Variants in ICAM1 observed in about 807,000 individuals in gnomAD.
ICAM1 encodes intercellular adhesion molecule 1.
Under a neutral mutation model 42.3 loss-of-function variants are expected in ICAM1, and 28 were observed. The ratio of observed to expected loss-of-function variants is 0.66; its 90% confidence interval spans 0.49 to 0.91. The LOEUF is 0.91. Among genes scored for constraint, ICAM1 ranks in the 40% least tolerant of loss-of-function variants. The probability of loss-of-function intolerance (pLI) is 0.00; values close to 1 mark genes in which losing one functional copy is unlikely to be tolerated. For synonymous variants in ICAM1, 304 were observed against 305.9 expected, an observed-to-expected ratio of 0.99 and a Z score of 0.07; for missense variants, 637 against 688.6, an observed-to-expected ratio of 0.93 and a Z score of 0.84.
rs2145500420 is a variant in ICAM1, at chr19:10,284,382, C to T, written c.926-21C>T. On this transcript the variant is annotated intron_variant, in intron 4 of 6. Transcript: ENST00000264832. This position sits in a 1 kb window ranked among gnomAD's most constrained non-coding sequence, Gnocchi z 5.4. ...GGTGTGACCTGAACCCGGGGCGGGG[C>T]TCACTGTGTGCCTATTCCAGGCTTT... The T allele has an allele frequency of 1.2e-6, 2 of 1,612,158 alleles. No individual in the cohort carries two copies. Among genetic ancestry groups the T allele is most frequent in the East Asian group, 4.5e-5 (2 of 44,870 alleles).
At chr19:10,277,470 G>A (rs963015416) in intron 2 of ICAM1, among the ~76,000 whole-genome samples, 1 of 142,066 alleles carries the variant, frequency 7.0e-6, no homozygotes, top group Non-Finnish European at 1.5e-5. Context: ...GAGCCACTTT[G>A]CCTGGCTGAG....
rs2039975885 is a variant in ICAM1, at chr19:10,271,122, G to A, written c.-38G>A. 2 of 1,581,546 alleles carry A rather than the reference G, an allele frequency of 1.3e-6. No homozygotes were observed. The highest frequency in any genetic ancestry group is 2.7e-5 in the African/African-American group (2 of 74,278). ...GATCACGCGCCCCAGTCGACGCTGA[G>A]CTCCTCTGCTACTCAGAGTTGCAAC... is the stretch of plus-strand genomic sequence containing the variant. On this transcript the variant is annotated 5_prime_UTR_variant, in exon 1 of 7. Coordinates refer to ENST00000264832, the MANE Select transcript of ICAM1 (RefSeq NM_000201.3).
chr19:10,271,290 G>T, intron 1 of ICAM1, 64 bp downstream of exon 1: 6 of 1,465,456 alleles, frequency 4.1e-6, no homozygotes, highest in Non-Finnish European at 5.7e-6. Flanking sequence ...CCGGCTCCCG[G>T]GTCAGGTCAT....
intron 2 of ICAM1, among the ~76,000 whole-genome samples, chr19:10,277,410 C>A (rs1461413130): frequency 6.6e-6 from 1 of 152,036 alleles, no homozygotes; most frequent in Non-Finnish European, 1.5e-5. Context: ...GAACTCTGAC[C>A]TCAGGTGATC....
intron 2 of ICAM1, 45 bp downstream of exon 2, chr19:10,275,073 G>A: frequency 6.3e-7 from 1 of 1,594,722 alleles, no homozygotes; most frequent in South Asian, 1.1e-5. Context: ...GACCCGGTGG[G>A]AGAGACGTGC....
chr19:10,284,773 GT>G lies in ICAM1; in HGVS notation c.1181-5del, dbSNP rs1322827388. 1 of 1,606,538 alleles carries G rather than the reference GT, an allele frequency of 6.2e-7. No homozygotes were observed. Among genetic ancestry groups the G allele is most frequent in the Non-Finnish European group, 8.5e-7 (1 of 1,178,098 alleles). On this transcript the variant is annotated splice_polypyrimidine_tract_variant and intron_variant, in intron 5 of 6. Transcript: ENST00000264832. The surrounding 1 kb of genome is among the most constrained non-coding windows in gnomAD (Gnocchi z 5.4). ...ACCCACCTCCATGTCATCTCATCGT[GT>G]TTTTCCAGATGGCCCCCGACTGGAC...
chr19:10,277,461 A>G (rs2145492579), intron 2 of ICAM1, among the ~76,000 whole-genome samples: 1 of 147,772 alleles, frequency 6.8e-6, no homozygotes, highest in South Asian at 2.2e-4. Context: ...TTACAACGTG[A>G]GCCACTTTGC....
chr19:10,277,642 C>T (rs1296736136), intron 2 of ICAM1, among the ~76,000 whole-genome samples: 1 of 152,008 alleles, frequency 6.6e-6, no homozygotes, highest in East Asian at 1.9e-4. Flanking sequence ...CGCCCAGCAC[C>T]ACGCCCGGCT....
chr19:10,284,610 C>T lies in ICAM1; in HGVS notation c.1133C>T (p.Ala378Val), dbSNP rs755206701. ...SFSCSATLEVAGQLIHKNQTR... is the reference protein window; with the variant it reads ...SFSCSATLEVVGQLIHKNQTR... The stretch of plus-strand genomic sequence containing the variant: ...TCCTGCTCTGCAACCCTGGAGGTGG[C>T]CGGCCAGCTTATACACAAGAACCAG... Residue 378 changes from alanine to valine, a missense_variant, in exon 5 of 7, where the codon GCC becomes GTC. Physicochemically the swap from Ala to Val is moderately conservative, Grantham distance 64. Transcript: ENST00000264832. The surrounding 1 kb of genome is among the most constrained non-coding windows in gnomAD (Gnocchi z 5.4). 6.2e-7 allele frequency: 1 copy of T among 1,614,152 alleles called. No homozygotes were observed. The highest frequency in any genetic ancestry group is 1.7e-5 in the Admixed American group (1 of 60,016).
rs949404160 is a variant in ICAM1, at chr19:10,286,585, T to C, written c.*1298T>C. 9 of 182,868 alleles carry C rather than the reference T, an allele frequency of 4.9e-5. No homozygotes were observed. Among genetic ancestry groups the C allele is most frequent in the Non-Finnish European group, 9.0e-5 (8 of 88,860 alleles). The allele number at this position is 182,868 out of a possible 1,614,324, so 11.3% of individuals were successfully genotyped here. Reference sequence around the variant, plus strand: ...CTCGCAACATTGCCCAGACTTCCTTTGTGTTAGTTAATAAAGCTTTCTCAA... The same window carrying C: ...CTCGCAACATTGCCCAGACTTCCTTCGTGTTAGTTAATAAAGCTTTCTCAA... On this transcript the variant is annotated 3_prime_UTR_variant, in exon 7 of 7. Transcript: ENST00000264832.
rs281437 is a variant in ICAM1, at chr19:10,286,562, C to T, written c.*1275C>T. On this transcript the variant is annotated 3_prime_UTR_variant, in exon 7 of 7. Coordinates refer to ENST00000264832, the MANE Select transcript of ICAM1 (RefSeq NM_000201.3). ...TTTTTTTTTTCCAGAGACGGGGTCTCGCAACATTGCCCAGACTTCCTTTGT... is the reference window on the plus strand; with the variant it reads ...TTTTTTTTTTCCAGAGACGGGGTCTTGCAACATTGCCCAGACTTCCTTTGT... 0.28 allele frequency: 47,236 copies of T among 166,128 alleles called. 7,229 individuals are homozygous for T. The highest frequency in any genetic ancestry group is 0.36 in the Middle Eastern group (135 of 370). The allele number at this position is 166,128 out of a possible 1,614,324, so 10.3% of individuals were successfully genotyped here.
At position 10,285,365 on chromosome 19, in the gene ICAM1, CAT is replaced by C. The variant is rs925062782; in HGVS notation, c.*81_*82del. 2.9e-6 allele frequency: 4 copies of C among 1,398,114 alleles called. No homozygotes were observed. Among genetic ancestry groups the C allele is most frequent in the African/African-American group, 2.9e-5 (2 of 69,902 alleles). 86.6% of individuals were successfully genotyped at this position (1,398,114 alleles called of 1,614,324 possible). Reference sequence around the variant, plus strand: ...GTGCCACACTGAACAGAGTGGAAGACATATGCCATGCAGCTACACCTACCGGC... The same window carrying C: ...GTGCCACACTGAACAGAGTGGAAGACATGCCATGCAGCTACACCTACCGGC... On this transcript the variant is annotated 3_prime_UTR_variant, in exon 7 of 7. Transcript: ENST00000264832.
In ICAM1 at chr19:10,285,965, G is replaced by A. The variant is rs1284324332; in HGVS notation, c.*678G>A. Reference sequence around the variant, plus strand: ...CTGGCAAAAAGATCAAATGGGGCTGGGACTTCTCATTGGCCAACCTGCCTT... The same window carrying A: ...CTGGCAAAAAGATCAAATGGGGCTGAGACTTCTCATTGGCCAACCTGCCTT... On this transcript the variant is annotated 3_prime_UTR_variant, in exon 7 of 7. Coordinates refer to ENST00000264832, the MANE Select transcript of ICAM1 (RefSeq NM_000201.3). The A allele has an allele frequency of 2.0e-5, 3 of 152,440 alleles. No homozygotes were observed. Among genetic ancestry groups the A allele is most frequent in the African/African-American group, 7.2e-5 (3 of 41,420 alleles). The allele number at this position is 152,440 out of a possible 1,614,324, so 9.4% of individuals were successfully genotyped here.
At position 10,285,261 on chromosome 19, in the gene ICAM1, C is replaced by A. The variant is rs2040095671; in HGVS notation, c.1573C>A (p.Pro525Thr). ...QQAQKGTPMKPNTQATPP is the reference protein window; with the variant it reads ...QQAQKGTPMKTNTQATPP ...GGCCCAAAAAGGGACCCCCATGAAA[C>A]CGAACACACAAGCCACGCCTCCCTG... is the stretch of plus-strand genomic sequence containing the variant. The change falls in exon 7 of 7, where the codon CCG becomes ACG. Residue 525 changes from proline (P) to threonine (T), a missense_variant. Physicochemically the swap from Pro to Thr is conservative, Grantham distance 38 (BLOSUM62 -1). Transcript: ENST00000264832. 1 of 1,613,992 alleles carries A rather than the reference C, an allele frequency of 6.2e-7. No individual in the cohort carries two copies. The highest frequency in any genetic ancestry group is 1.3e-5 in the African/African-American group (1 of 74,902).
At position 10,284,085 on chromosome 19, in the gene ICAM1, C is replaced by T; in HGVS notation, c.690C>T (p.Asp230=). The T allele has an allele frequency of 6.2e-7, 1 of 1,614,090 alleles. No individual in the cohort carries two copies. Among genetic ancestry groups the T allele is most frequent in the Non-Finnish European group, 8.5e-7 (1 of 1,180,002 alleles). The change falls in exon 4 of 7, where the codon GAC becomes GAT. Residue 230 remains aspartate (D), a synonymous_variant. Transcript: ENST00000264832. This position sits in a 1 kb window ranked among gnomAD's most constrained non-coding sequence, Gnocchi z 5.4. ...QLVSPRVLEV[D]TQGTVVCSLD... is the part of the protein sequence containing the mutation. ...TCAGCCCCCGGGTCCTAGAGGTGGACACGCAGGGGACCGTGGTCTGTTCCC... is the reference window on the plus strand; with the variant it reads ...TCAGCCCCCGGGTCCTAGAGGTGGATACGCAGGGGACCGTGGTCTGTTCCC...
intron 2 of ICAM1, among the ~76,000 whole-genome samples, chr19:10,280,547 G>GTT (rs556867189): frequency 6.9e-6 from 1 of 144,024 alleles, no homozygotes. Context: ...AGCCCAGCTG[G>GTT]TTTTTTTTTT....
At chr19:10,271,291 G>A in intron 1 of ICAM1, 65 bp downstream of exon 1, 2 of 1,437,566 alleles carry the variant, frequency 1.4e-6, no homozygotes, top group Non-Finnish European at 1.9e-6. Flanking sequence ...CGGCTCCCGG[G>A]TCAGGTCATG....
intron 2 of ICAM1, among the ~76,000 whole-genome samples, chr19:10,278,548 C>CCT: frequency 2.4e-5 from 1 of 41,746 alleles, no homozygotes; most frequent in Admixed American, 3.8e-4. Context: ...CCTGATAGGT[C>CCT]TTTTTTTTTT....
rs2040105802 is a variant in ICAM1 at position 10,286,306 on chromosome 19, A to AG, written c.*1024dup. 2.0e-5 allele frequency: 3 copies of AG among 152,548 alleles called. No individual in the cohort carries two copies. Among genetic ancestry groups the AG allele is most frequent in the Admixed American group, 2.0e-4 (3 of 15,270 alleles). 9.4% of individuals were successfully genotyped at this position (152,548 alleles called of 1,614,324 possible). A position where few individuals can be genotyped will look rare whatever the true frequency, so the allele number is the denominator to read the frequency against. On this transcript the variant is annotated 3_prime_UTR_variant, in exon 7 of 7. Transcript: ENST00000264832. ...ATCAGGGTCCTGCAAGCAGTGGGGAAGGGGGCCAAGGTATTGGAGGACTCC... is the reference window on the plus strand; with the variant it reads ...ATCAGGGTCCTGCAAGCAGTGGGGAAGGGGGGCCAAGGTATTGGAGGACTCC...
Sources: gnomAD v4.1 joint callset for allele counts (sites outside exome capture counted in the v4.1 genomes callset) on GRCh38, gnomAD v4.1.1 for gene constraint, Gnocchi (gnomAD v3.1) non-coding constraint, MANE v1.5 for transcripts, NCBI Gene and HGNC (gene_info 2026-07-23, HGNC 2026-07-21) for gene names.